TMEM131L: variants seen among roughly 807,000 people sequenced by gnomAD.
TMEM131L encodes the protein transmembrane 131 like, also known as transmembrane protein 131-like.
In TMEM131L, 54 loss-of-function variants were observed where a neutral mutation model predicts 192.2. The ratio of observed to expected loss-of-function variants is 0.28; its 90% confidence interval spans 0.23 to 0.35. TMEM131L has a LOEUF of 0.35. Among genes scored for constraint, TMEM131L ranks in the 10% least tolerant of loss-of-function variants. The pLI, the probability that TMEM131L is intolerant of heterozygous loss-of-function variation, is 1.00. For synonymous variants in TMEM131L, 701 were observed against 704.9 expected, an observed-to-expected ratio of 0.99 and a Z score of 0.09; for missense variants, 1,888 against 1,972.9, an observed-to-expected ratio of 0.96 and a Z score of 0.82.
chr4:153,571,164 C>A (rs1315735681), intron 7 of TMEM131L, among the ~76,000 whole-genome samples: 1 of 152,056 alleles, frequency 6.6e-6, no homozygotes, highest in Non-Finnish European at 1.5e-5. Flanking sequence ...TCAAACAAAT[C>A]TTTTTTCTGT....
chr4:153,499,095 C>T (rs1389453579), intron 3 of TMEM131L, among the ~76,000 whole-genome samples: 2 of 152,244 alleles, frequency 1.3e-5, no homozygotes, highest in African/African-American at 4.8e-5. Flanking sequence ...CTCTGTGGCT[C>T]ATCCTAGGCA....
rs779325752 is a variant in TMEM131L at position 153,635,585 on chromosome 4, A to G, written c.4557+14A>G. On this transcript the variant is annotated intron_variant, in intron 34 of 34. Coordinates refer to ENST00000409959, the MANE Select transcript of TMEM131L (RefSeq NM_001131007.2). ...ATCAGCTCTCCGGTCAGTGTTGCCCATCCTGTGCCGTGAACCCCTGGGCAG... is the reference window on the plus strand; with the variant it reads ...ATCAGCTCTCCGGTCAGTGTTGCCCGTCCTGTGCCGTGAACCCCTGGGCAG... 1 of 1,613,636 alleles carries G rather than the reference A, an allele frequency of 6.2e-7. No individual in the cohort carries two copies. The highest frequency in any genetic ancestry group is 1.3e-5 in the African/African-American group (1 of 74,898).
At chr4:153,559,304 G>A (rs1176812471) in intron 7 of TMEM131L, among the ~76,000 whole-genome samples, 2 of 152,064 alleles carry the variant, frequency 1.3e-5, no homozygotes, top group Admixed American at 6.5e-5. Context: ...AAATGGAAAA[G>A]CCCCTCCTTG....
At chr4:153,467,119 G>T in intron 1 of TMEM131L, 92 bp from the exon 2 acceptor site, 4 of 1,243,678 alleles carry the variant, frequency 3.2e-6, no homozygotes, top group Non-Finnish European at 4.6e-6. Flanking sequence ...GTGTTTTGGT[G>T]AGGCGGGGGG....
At chr4:153,613,913 T>C (rs747020163) in intron 26 of TMEM131L, among the ~76,000 whole-genome samples, 1 of 152,220 alleles carries the variant, frequency 6.6e-6, no homozygotes, top group African/African-American at 2.4e-5. Context: ...AAAATAAGTA[T>C]GTTGCAAGCA....
intron 7 of TMEM131L, among the ~76,000 whole-genome samples, chr4:153,560,379 G>T (rs1405097971): frequency 1.3e-5 from 2 of 152,162 alleles, no homozygotes; most frequent in African/African-American, 4.8e-5. Context: ...GCCTACCTTG[G>T]CAGTGCCTTG....
chr4:153,632,657 G>C (rs1734289974), intron 31 of TMEM131L, 61 bp from the exon 32 acceptor site: 3 of 1,603,384 alleles, frequency 1.9e-6, no homozygotes, highest in Non-Finnish European at 2.6e-6. Context: ...GCAGGTGCAG[G>C]AAGGGTAGGA....
In TMEM131L at chr4:153,598,701, G is replaced by A; in HGVS notation, c.2235G>A (p.Val745=). The part of the protein sequence containing the change: ...PGAGGSLRFK[V]PESTLMDCRR... ...CAGGAGGCTCACTCCGATTTAAGGT[G>A]CCCGAGTCCACGCTGATGGACTGCC... Residue 745 remains valine (V), a synonymous_variant, in exon 21 of 35, where the codon GTG becomes GTA. Transcript: ENST00000409959. 2 of 1,613,926 alleles carry A rather than the reference G, an allele frequency of 1.2e-6. No individual in the cohort carries two copies. The highest frequency in any genetic ancestry group is 8.5e-7 in the Non-Finnish European group (1 of 1,179,876).
intron 21 of TMEM131L, among the ~76,000 whole-genome samples, chr4:153,600,021 A>G (rs1188956492): frequency 6.6e-6 from 1 of 152,148 alleles, no homozygotes; most frequent in Admixed American, 6.5e-5. Flanking sequence ...CTGGACGACA[A>G]GAGTGAAGAC....
chr4:153,490,411 G>A (rs13102946), intron 3 of TMEM131L, among the ~76,000 whole-genome samples: 90,627 of 151,906 alleles, frequency 0.6, 27,753 homozygotes, highest in African/African-American at 0.75. Flanking sequence ...AGATGGAGAA[G>A]GCACTTGCTC....
chr4:153,579,385 T>C (rs1382803094), intron 7 of TMEM131L, among the ~76,000 whole-genome samples: 2 of 152,200 alleles, frequency 1.3e-5, no homozygotes, highest in Non-Finnish European at 2.9e-5. Flanking sequence ...ACAAATCATA[T>C]TATTCTATTT....
chr4:153,557,900 G>T (rs946030334), intron 6 of TMEM131L, among the ~76,000 whole-genome samples: 13 of 152,142 alleles, frequency 8.5e-5, no homozygotes, highest in Non-Finnish European at 5.9e-5. Context: ...AGGCACAAGC[G>T]ATTCTCCTGC....
chr4:153,515,842 C>G, intron 3 of TMEM131L, among the ~76,000 whole-genome samples: 1 of 151,392 alleles, frequency 6.6e-6, no homozygotes, highest in South Asian at 2.1e-4. Flanking sequence ...CATGTTGAGC[C>G]TCTTTTCTAT....
intron 19 of TMEM131L, among the ~76,000 whole-genome samples, chr4:153,595,729 A>AC (rs1731389034): frequency 6.6e-6 from 1 of 151,242 alleles, no homozygotes; most frequent in African/African-American, 2.4e-5. Flanking sequence ...AAAAAAAAAA[A>AC]CACGACATCT....
chr4:153,487,023 C>T (rs1294694953), intron 3 of TMEM131L, among the ~76,000 whole-genome samples: 5 of 152,202 alleles, frequency 3.3e-5, no homozygotes, highest in Non-Finnish European at 5.9e-5. Flanking sequence ...ACTCGCTAGA[C>T]TGGCCGGTTC....
chr4:153,632,543 C>A (rs1734283691), intron 31 of TMEM131L, 175 bp from the exon 32 acceptor site: 1 of 672,244 alleles, frequency 1.5e-6, no homozygotes, highest in East Asian at 2.9e-5. Context: ...AAGAAACGGT[C>A]AAAACAATAT....
intron 3 of TMEM131L, among the ~76,000 whole-genome samples, chr4:153,524,086 G>A (rs1460928132): frequency 6.6e-6 from 1 of 150,480 alleles, no homozygotes; most frequent in Non-Finnish European, 1.5e-5. Flanking sequence ...TGATTTACCA[G>A]CACGTCTCAC....
At chr4:153,589,215 T>G (rs2150815465) in intron 16 of TMEM131L, among the ~76,000 whole-genome samples, 1 of 152,332 alleles carries the variant, frequency 6.6e-6, no homozygotes, top group African/African-American at 2.4e-5. Flanking sequence ...CTGTAAATCT[T>G]AGCAGTCTCA....
chr4:153,575,037 T>G (rs774126684), intron 7 of TMEM131L, among the ~76,000 whole-genome samples: 1 of 152,244 alleles, frequency 6.6e-6, no homozygotes, highest in Non-Finnish European at 1.5e-5. Flanking sequence ...TAAAAAGGTT[T>G]CATGTGGTTA....
Sources: allele counts gnomAD v4.1 joint callset (sites outside exome capture counted in the v4.1 genomes callset), GRCh38; gene constraint gnomAD v4.1.1; transcripts MANE v1.5; gene names NCBI Gene and HGNC (gene_info 2026-07-23, HGNC 2026-07-21).